The following CNTNAP5 variants were observed in gnomAD, a reference collection of about 807,000 sequenced individuals.
The protein encoded by CNTNAP5 is contactin associated protein family member 5, also known as contactin-associated protein-like 5.
Under a neutral mutation model 150.2 loss-of-function variants are expected in CNTNAP5, and 72 were observed. That is an observed-to-expected ratio of 0.48 (90% confidence interval 0.40 to 0.58). The LOEUF (loss-of-function observed/expected upper bound fraction) is 0.58. Among genes scored for constraint, CNTNAP5 ranks in the 20% least tolerant of loss-of-function variants. The probability of loss-of-function intolerance (pLI) is 0.00; values close to 1 mark genes in which losing one functional copy is unlikely to be tolerated. For missense variants in CNTNAP5, 1,636 were observed against 1,626.2 expected (o/e 1.01, Z -0.10); for synonymous variants, 672 against 619.8 (o/e 1.08, Z -1.25).
chr2:124,676,944 A>G (rs527797204), intron 13 of CNTNAP5, among the ~76,000 whole-genome samples: 1 of 152,308 alleles, frequency 6.6e-6, no homozygotes, highest in Middle Eastern at 3.4e-3. Context: ...ACCATCTGGA[A>G]GTGCTTCTGT....
At chr2:124,759,483 T>C (rs1305965500) in intron 14 of CNTNAP5, among the ~76,000 whole-genome samples, 1 of 146,726 alleles carries the variant, frequency 6.8e-6, no homozygotes, top group Non-Finnish European at 1.5e-5. Context: ...GTTCTACAAA[T>C]TATGACTCCC....
intron 19 of CNTNAP5, among the ~76,000 whole-genome samples, chr2:124,840,976 A>T (rs1054355084): frequency 2.6e-5 from 4 of 152,000 alleles, no homozygotes; most frequent in African/African-American, 9.7e-5. Context: ...TGAGCTCAAC[A>T]TACATTTTTT....
rs545214201 is a variant in CNTNAP5 at position 124,799,926 on chromosome 2, AGG to A, written c.3217+1610_3217+1611del. Among the ~76,000 whole-genome samples, 672 of 152,296 alleles carry A rather than the reference AGG, an allele frequency of 4.4e-3. 7 individuals are homozygous for A. The highest frequency in any genetic ancestry group is 0.014 in the African/African-American group (566 of 41,576). ...TGGACTTGAAGAATCCACAAGAGAG[AGG>A]GGGAAACACTATGGGTAATTAGATC... On this transcript the variant is annotated intron_variant, in intron 19 of 23. Transcript: ENST00000682447.
chr2:124,610,600 A>G (rs1046975514), intron 12 of CNTNAP5, among the ~76,000 whole-genome samples: 3 of 152,218 alleles, frequency 2.0e-5, no homozygotes, highest in African/African-American at 7.2e-5. Context: ...GAAATGACAT[A>G]TGATCCTTAA....
chr2:124,032,873 C>T (rs1056096177), intron 1 of CNTNAP5, among the ~76,000 whole-genome samples: 1 of 152,186 alleles, frequency 6.6e-6, no homozygotes. Flanking sequence ...CTCTATCCAT[C>T]ATCCTGATGC....
intron 1 of CNTNAP5, among the ~76,000 whole-genome samples, chr2:124,094,874 G>T (rs1273724470): frequency 6.6e-6 from 1 of 152,108 alleles, no homozygotes; most frequent in Non-Finnish European, 1.5e-5. Context: ...GTCAGTGTGA[G>T]ACTATGGAAC....
At position 124,906,073 on chromosome 2, in the gene CNTNAP5, C is replaced by T. The variant is rs1348456360; in HGVS notation, c.3655+2973C>T. ...CAGTGTCTCCCTGGCCAGCAAGATC[C>T]TCAAGATGTCAAAGCATCATAAATA... is the stretch of plus-strand genomic sequence containing the variant. On this transcript the variant is annotated intron_variant, in intron 22 of 23. Transcript: ENST00000682447. 2.7e-5 allele frequency among the ~76,000 whole-genome samples: 4 copies of T among 150,272 alleles called. No homozygotes were observed. The East Asian group carries it at 7.8e-4, about 29-fold the overall frequency.
intron 1 of CNTNAP5, among the ~76,000 whole-genome samples, chr2:124,043,817 ACT>A (rs1160427044): frequency 1.3e-5 from 2 of 152,042 alleles, no homozygotes; most frequent in African/African-American, 4.8e-5. Flanking sequence ...TCTCTCACTC[ACT>A]CTTTCACTTA....
At chr2:124,766,384 G>C (rs781096770) in intron 16 of CNTNAP5, among the ~76,000 whole-genome samples, 1 of 149,508 alleles carries the variant, frequency 6.7e-6, no homozygotes, top group Non-Finnish European at 1.5e-5. Context: ...TTGGAAACTT[G>C]AGAGCTCCAG....
chr2:124,713,243 CTCTTT>C (rs1679851482), intron 13 of CNTNAP5, among the ~76,000 whole-genome samples: 1 of 65,162 alleles, frequency 1.5e-5, no homozygotes, highest in African/African-American at 5.8e-5. Context: ...TTCTTTCTTT[CTCTTT>C]CTTTCTTTCT....
intron 1 of CNTNAP5, among the ~76,000 whole-genome samples, chr2:124,034,972 A>C (rs1681169560): frequency 6.6e-6 from 1 of 151,334 alleles, no homozygotes; most frequent in African/African-American, 2.4e-5. Context: ...AGTTATTAAG[A>C]CATGTTATCC....
intron 1 of CNTNAP5, among the ~76,000 whole-genome samples, chr2:124,148,503 GTA>G (rs558789770): frequency 7.2e-6 from 1 of 139,390 alleles, no homozygotes; most frequent in Non-Finnish European, 1.5e-5. Context: ...GGAGAGAGAG[GTA>G]TATATATATA....
chr2:124,756,744 C>T (rs1056409149), intron 14 of CNTNAP5, among the ~76,000 whole-genome samples: 3 of 151,922 alleles, frequency 2.0e-5, no homozygotes, highest in Non-Finnish European at 4.4e-5. Flanking sequence ...GGGTGGGGAA[C>T]AACACACACT....
intron 21 of CNTNAP5, among the ~76,000 whole-genome samples, chr2:124,894,520 G>A (rs544013440): frequency 5.3e-5 from 8 of 150,430 alleles, no homozygotes; most frequent in Non-Finnish European, 8.9e-5. Flanking sequence ...TTATATCAAC[G>A]TGCAAATCCT....
intron 13 of CNTNAP5, among the ~76,000 whole-genome samples, chr2:124,671,165 G>GCATAAT (rs1288399885): frequency 1.3e-5 from 2 of 152,106 alleles, no homozygotes; most frequent in Non-Finnish European, 2.9e-5. Context: ...ATAATTATTA[G>GCATAAT]CATAATCATC....
intron 1 of CNTNAP5, among the ~76,000 whole-genome samples, chr2:124,130,057 T>G (rs1371145): frequency 0.13 from 20,391 of 152,198 alleles, 1,455 homozygotes; most frequent in Middle Eastern, 0.23. Context: ...ATTCAAAGCC[T>G]CAAGCTATTG....
rs114493412 is a variant in CNTNAP5, at chr2:124,180,613, A to G, written c.83-41092A>G. Among the ~76,000 whole-genome samples, 1,242 of 152,342 alleles carry G rather than the reference A, an allele frequency of 8.2e-3. 16 individuals carry two copies. The highest frequency in any genetic ancestry group is 0.027 in the African/African-American group (1,143 of 41,582). ...TATTTAGATAAGGTTAAAATTGCAT[A>G]TAAATTCAAGATGAGTTTTATTATG... is the stretch of plus-strand genomic sequence containing the variant. On this transcript the variant is annotated intron_variant, in intron 1 of 23. Coordinates refer to ENST00000682447, the MANE Select transcript of CNTNAP5 (RefSeq NM_001367498.1).
rs1213586516 is a variant in CNTNAP5, at chr2:124,446,635, G to A, written c.734-118G>A. ...GGTCCAGCACAGTTCCAGGCCTGTA[G>A]GGAGACATCATTCTTTGCCTTTAGA... is the stretch of plus-strand genomic sequence containing the variant. On this transcript the variant is annotated intron_variant, in intron 5 of 23. Coordinates refer to ENST00000682447, the MANE Select transcript of CNTNAP5 (RefSeq NM_001367498.1). 17 of 948,228 alleles carry A rather than the reference G, an allele frequency of 1.8e-5. No individual in the cohort carries two copies. In the East Asian group the frequency reaches 4.2e-4, roughly 23 times the overall value. The allele number at this position is 948,228 out of a possible 1,614,324, so 58.7% of individuals were successfully genotyped here. A position where few individuals can be genotyped will look rare whatever the true frequency, so the allele number is the denominator to read the frequency against.
chr2:124,191,099 T>C (rs1685447509), intron 1 of CNTNAP5, among the ~76,000 whole-genome samples: 2 of 152,250 alleles, frequency 1.3e-5, no homozygotes, highest in African/African-American at 4.8e-5. Flanking sequence ...TTTATTTTTA[T>C]TGGTGTCTTT....
Sources: allele counts gnomAD v4.1 joint callset (sites outside exome capture counted in the v4.1 genomes callset), GRCh38; gene constraint gnomAD v4.1.1; transcripts MANE v1.5; gene names NCBI Gene and HGNC (gene_info 2026-07-23, HGNC 2026-07-21).